The following ASAP2 variants were observed in gnomAD, a reference collection of about 807,000 sequenced individuals.
ASAP2 encodes the protein arf-GAP with SH3 domain, ANK repeat and PH domain-containing protein 2.
ASAP2 carries 45 observed loss-of-function variants against 131.4 expected under a neutral mutation model. The ratio of observed to expected loss-of-function variants is 0.34; its 90% CI spans 0.27 to 0.44. ASAP2 has a LOEUF of 0.44. ASAP2 is among the 20% of genes least tolerant of loss of function. ASAP2 has a pLI of 1.00. For synonymous variants in ASAP2, 510 were observed against 503.0 expected (o/e 1.01, Z -0.19); for missense variants, 1,011 against 1,297.0 (o/e 0.78, Z 3.39).
chr2:9,400,900 CAG>C, intron 26 of ASAP2, 70 bp downstream of exon 26: 1 of 1,457,006 alleles, frequency 6.9e-7, no homozygotes, highest in South Asian at 1.2e-5. Flanking sequence ...CACAAGGGCT[CAG>C]GGGAAGCAAG....
chr2:9,356,450 T>A, intron 14 of ASAP2, 105 bp downstream of exon 14: 1 of 1,285,510 alleles, frequency 7.8e-7, no homozygotes. Flanking sequence ...AACACGAAAT[T>A]AAGTGCAGCT....
chr2:9,265,276 C>T (rs1665865217), intron 1 of ASAP2, among the ~76,000 whole-genome samples: 1 of 152,206 alleles, frequency 6.6e-6, no homozygotes, highest in African/African-American at 2.4e-5. Context: ...AGGTTACATG[C>T]AAATATGACA....
intron 3 of ASAP2, among the ~76,000 whole-genome samples, chr2:9,305,139 TG>T (rs1425842181): frequency 2.2e-5 from 3 of 138,282 alleles, no homozygotes; most frequent in Non-Finnish European, 4.6e-5. Flanking sequence ...GTTGTAATAG[TG>T]GGGTATAGAT....
intron 1 of ASAP2, among the ~76,000 whole-genome samples, chr2:9,248,860 AG>A (rs1318042138): frequency 6.6e-6 from 1 of 152,036 alleles, no homozygotes; most frequent in Non-Finnish European, 1.5e-5. Context: ...CTCTGATGTG[AG>A]CTCAGTGTTA....
intron 2 of ASAP2, among the ~76,000 whole-genome samples, chr2:9,290,814 C>CT (rs1292116284): frequency 1.3e-5 from 2 of 152,168 alleles, no homozygotes; most frequent in Non-Finnish European, 2.9e-5. Flanking sequence ...TGTTCACACT[C>CT]TGACAGTCTG....
chr2:9,274,804 T>C (rs1365073642), intron 1 of ASAP2, among the ~76,000 whole-genome samples: 2 of 152,238 alleles, frequency 1.3e-5, no homozygotes, highest in African/African-American at 2.4e-5. Flanking sequence ...TTCTAATCTG[T>C]TTAACAGATT....
chr2:9,266,028 C>T (rs1665917144), intron 1 of ASAP2, among the ~76,000 whole-genome samples: 1 of 152,196 alleles, frequency 6.6e-6, no homozygotes, highest in South Asian at 2.1e-4. Context: ...CCCCCCCACC[C>T]CCTGCCTTGG....
chr2:9,254,036 T>C (rs2148151742), intron 1 of ASAP2, among the ~76,000 whole-genome samples: 1 of 150,480 alleles, frequency 6.6e-6, no homozygotes, highest in Non-Finnish European at 1.5e-5. Flanking sequence ...TGAAACCCCG[T>C]CTCTACTAAA....
chr2:9,238,409 TGCTGA>T (rs1663704632), intron 1 of ASAP2, among the ~76,000 whole-genome samples: 1 of 152,252 alleles, frequency 6.6e-6, no homozygotes. Flanking sequence ...TCCACAGCTT[TGCTGA>T]GCTACAGCCA....
intron 7 of ASAP2, among the ~76,000 whole-genome samples, chr2:9,329,453 A>G (rs1670690365): frequency 6.6e-6 from 1 of 152,166 alleles, no homozygotes; most frequent in Non-Finnish European, 1.5e-5. Flanking sequence ...GCAAGTAGGA[A>G]ACACGAGCCA....
At chr2:9,352,212 A>ACACACAC (rs1672385937) in intron 12 of ASAP2, among the ~76,000 whole-genome samples, 43 of 150,068 alleles carry the variant, frequency 2.9e-4, no homozygotes, top group African/African-American at 1.0e-3. Context: ...AACACACACA[A>ACACACAC]ACACACACAC....
At chr2:9,317,117 A>ATCATTCACATCCACATTCACACAC (rs1669749779) in intron 3 of ASAP2, among the ~76,000 whole-genome samples, 1 of 101,156 alleles carries the variant, frequency 9.9e-6, no homozygotes, top group Non-Finnish European at 2.1e-5. Flanking sequence ...ACCCCACGCA[A>ATCATTCACATCCACATTCACACAC]TCACAACCAC....
At chr2:9,377,865 T>A (rs1674525958) in intron 18 of ASAP2, among the ~76,000 whole-genome samples, 1 of 152,068 alleles carries the variant, frequency 6.6e-6, no homozygotes, top group Non-Finnish European at 1.5e-5. Context: ...GGAGGCTGAG[T>A]TCACTGGACT....
intron 9 of ASAP2, among the ~76,000 whole-genome samples, chr2:9,339,751 A>G (rs770881145): frequency 6.6e-6 from 1 of 151,898 alleles, no homozygotes; most frequent in South Asian, 2.1e-4. Flanking sequence ...CTTCTTCACT[A>G]TCTGACTCAA....
At chr2:9,358,941 A>G in intron 15 of ASAP2, 52 bp downstream of exon 15, 1 of 1,559,272 alleles carries the variant, frequency 6.4e-7, no homozygotes, top group Non-Finnish European at 8.7e-7. Flanking sequence ...CTGTAAGCTA[A>G]ATTTTACTTT....
chr2:9,212,481 C>T (rs1661639670), intron 1 of ASAP2, among the ~76,000 whole-genome samples: 1 of 152,128 alleles, frequency 6.6e-6, no homozygotes, highest in Non-Finnish European at 1.5e-5. Context: ...GCCTCCCTGC[C>T]TTAGGTAAAT....
At chr2:9,227,676 G>T (rs1171499146) in intron 1 of ASAP2, among the ~76,000 whole-genome samples, 3 of 152,142 alleles carry the variant, frequency 2.0e-5, no homozygotes, top group Non-Finnish European at 4.4e-5. Flanking sequence ...TGATCTTTCT[G>T]TAACCCAGAA....
rs192919500 is a variant in ASAP2, at chr2:9,284,179, A to G, written c.199+4790A>G. Among the ~76,000 whole-genome samples, 29 of 152,288 alleles carry G rather than the reference A, an allele frequency of 1.9e-4. 1 individual carries two copies. In the East Asian group the frequency reaches 5.2e-3, roughly 27 times the overall value. On this transcript the variant is annotated intron_variant, in intron 2 of 27. Coordinates refer to ENST00000281419, the MANE Select transcript of ASAP2 (RefSeq NM_003887.3). ...CATAACGTACTCACAAGTTCCAGGG[A>G]TTAGGAGGTGGGCATCTGGTGGTGG... is the stretch of plus-strand genomic sequence containing the variant.
At chr2:9,289,188 G>T (rs1216877466) in intron 2 of ASAP2, among the ~76,000 whole-genome samples, 1 of 152,190 alleles carries the variant, frequency 6.6e-6, no homozygotes, top group Non-Finnish European at 1.5e-5. Context: ...CTGGGATGAA[G>T]TTCCTCATCT....
Sources: allele counts gnomAD v4.1 joint callset (sites outside exome capture counted in the v4.1 genomes callset), GRCh38; gene constraint gnomAD v4.1.1; transcripts MANE v1.5; gene names NCBI Gene and HGNC (gene_info 2026-07-23, HGNC 2026-07-21).